BICC1: variants seen among roughly 807,000 people sequenced by gnomAD.
BICC1 encodes BicC family RNA binding protein 1, also known as protein bicaudal C homolog 1.
BICC1 carries 43 observed loss-of-function variants against 111.0 expected under a neutral mutation model. The ratio of observed to expected loss-of-function variants is 0.39; its 90% CI spans 0.30 to 0.50. BICC1 has a LOEUF of 0.50. Ranked by LOEUF, BICC1 falls within the 20% of genes least tolerant of loss-of-function variation. The pLI is 0.88. For missense variants in BICC1, 1,091 were observed against 1,203.2 expected (o/e 0.91, Z 1.38); for synonymous variants, 467 against 434.4 (o/e 1.07, Z -0.93).
intron 20 of BICC1, among the ~76,000 whole-genome samples, chr10:58,825,835 G>A (rs574655590): frequency 4.2e-4 from 64 of 152,146 alleles, no homozygotes; most frequent in African/African-American, 1.2e-3. Context: ...GAATAACACC[G>A]TAGGACCCAC....
At chr10:58,695,568 A>G (rs1256556202) in intron 2 of BICC1, among the ~76,000 whole-genome samples, 1 of 152,208 alleles carries the variant, frequency 6.6e-6, no homozygotes, top group Non-Finnish European at 1.5e-5. Context: ...TATTTTTAGT[A>G]AAGTTAGTAT....
chr10:58,806,708 C>G (rs1483328293), intron 16 of BICC1, 85 bp downstream of exon 16: 4 of 1,204,390 alleles, frequency 3.3e-6, no homozygotes, highest in Middle Eastern at 4.4e-4. Context: ...GAATCGAGAA[C>G]TTGAAAACTC....
intron 2 of BICC1, among the ~76,000 whole-genome samples, chr10:58,670,751 GT>G (rs1264320445): frequency 6.6e-6 from 1 of 152,112 alleles, no homozygotes; most frequent in Non-Finnish European, 1.5e-5. Context: ...TAAAAGACTT[GT>G]TTTTGGCATC....
chr10:58,718,773 CGCGT>C (rs779777222), intron 3 of BICC1, among the ~76,000 whole-genome samples: 1 of 73,266 alleles, frequency 1.4e-5, no homozygotes, highest in African/African-American at 6.5e-5. Flanking sequence ...TGTGCGCGCG[CGCGT>C]GCGCGCGTGC....
At chr10:58,749,050 A>G (rs557499081) in intron 3 of BICC1, among the ~76,000 whole-genome samples, 1 of 152,300 alleles carries the variant, frequency 6.6e-6, no homozygotes, top group East Asian at 1.9e-4. Context: ...TTTCAAAGAC[A>G]TAAGAGTTTT....
chr10:58,656,873 A>G (rs1838671860), intron 2 of BICC1, among the ~76,000 whole-genome samples: 1 of 152,154 alleles, frequency 6.6e-6, no homozygotes, highest in Admixed American at 6.6e-5. Flanking sequence ...TAAATCACAG[A>G]TGGTTAATTT....
chr10:58,529,566 A>G (rs960528745), intron 1 of BICC1, among the ~76,000 whole-genome samples: 15 of 151,882 alleles, frequency 9.9e-5, no homozygotes, highest in Admixed American at 2.0e-4. Context: ...TAGTTATTTC[A>G]TATAATGATT....
At chr10:58,696,580 C>A (rs1840071486) in intron 2 of BICC1, among the ~76,000 whole-genome samples, 1 of 152,114 alleles carries the variant, frequency 6.6e-6, no homozygotes, top group Non-Finnish European at 1.5e-5. Context: ...TAGATGGACT[C>A]CTCCAAAACC....
At chr10:58,574,443 A>T (rs563986613) in intron 1 of BICC1, among the ~76,000 whole-genome samples, 8 of 152,242 alleles carry the variant, frequency 5.3e-5, no homozygotes, top group African/African-American at 1.9e-4. Context: ...CAGTGTGATA[A>T]ACTTTTCCTT....
At chr10:58,587,967 C>T (rs1413598880) in intron 1 of BICC1, among the ~76,000 whole-genome samples, 3 of 152,120 alleles carry the variant, frequency 2.0e-5, no homozygotes, top group Non-Finnish European at 4.4e-5. Flanking sequence ...TCATCTTCCA[C>T]CATTGAAGAG....
intron 20 of BICC1, chr10:58,823,107 A>G: frequency 2.3e-6 from 1 of 432,984 alleles, no homozygotes; most frequent in South Asian, 9.9e-5. Context: ...TTTTTCTCAG[A>G]ATATTTTCAT....
intron 1 of BICC1, among the ~76,000 whole-genome samples, chr10:58,544,969 G>A (rs1185668233): frequency 6.6e-6 from 1 of 152,048 alleles, no homozygotes; most frequent in Non-Finnish European, 1.5e-5. Context: ...GAGACACAGA[G>A]AAAAGACAGC....
chr10:58,553,733 C>CT (rs913031741), intron 1 of BICC1, among the ~76,000 whole-genome samples: 3 of 152,112 alleles, frequency 2.0e-5, no homozygotes, highest in South Asian at 4.1e-4. Context: ...ACTCCCCCTT[C>CT]TTTTTTTAGC....
intron 1 of BICC1, among the ~76,000 whole-genome samples, chr10:58,579,847 A>T (rs960540153): frequency 6.7e-6 from 1 of 149,194 alleles, no homozygotes; most frequent in African/African-American, 2.5e-5. Context: ...CCAAAGTAGA[A>T]AAGAACAGCT....
chr10:58,540,661 G>A (rs1446294723), intron 1 of BICC1, among the ~76,000 whole-genome samples: 4 of 151,968 alleles, frequency 2.6e-5, no homozygotes, highest in Non-Finnish European at 5.9e-5. Context: ...GGCTTCACTG[G>A]AGAATGCTTC....
At chr10:58,557,064 G>T (rs983902136) in intron 1 of BICC1, among the ~76,000 whole-genome samples, 1 of 151,990 alleles carries the variant, frequency 6.6e-6, no homozygotes, top group African/African-American at 2.4e-5. Flanking sequence ...TTTTTTCTCT[G>T]TCTGAAGGAT....
At chr10:58,583,560 A>C (rs1844340975) in intron 1 of BICC1, among the ~76,000 whole-genome samples, 1 of 142,922 alleles carries the variant, frequency 7.0e-6, no homozygotes, top group South Asian at 2.3e-4. Context: ...TTCCTTTTTT[A>C]TGGCTGAGTA....
chr10:58,770,179 GA>G (rs1357264749), intron 3 of BICC1, among the ~76,000 whole-genome samples: 1 of 151,952 alleles, frequency 6.6e-6, no homozygotes, highest in African/African-American at 2.4e-5. Context: ...GCTCTGCTGT[GA>G]AAAAATATAT....
Position 58,789,297 on chromosome 10 carries a change from A to G in BICC1, c.636A>G (p.Pro212=), listed in dbSNP as rs1448625668. The G allele has an allele frequency of 1.2e-6, 2 of 1,613,832 alleles. No homozygotes were observed. Among genetic ancestry groups the G allele is most frequent in the South Asian group, 1.1e-5 (1 of 91,046 alleles). The change falls in exon 7 of 21, where the codon CCA becomes CCG. Residue 212 remains proline (P), a synonymous_variant. Transcript: ENST00000373886. The part of the protein sequence containing the change: ...LLPLVLMFEL[P]IAGILQPVPD... ...CTTTGGTGCTGATGTTTGAGCTACC[A>G]ATTGCTGGAATTCTTCAACCGGTTC...
Sources: gnomAD v4.1 joint callset for allele counts (sites outside exome capture counted in the v4.1 genomes callset) on GRCh38, gnomAD v4.1.1 for gene constraint, MANE v1.5 for transcripts, NCBI Gene and HGNC (gene_info 2026-07-23, HGNC 2026-07-21) for gene names.